TSHZ1: variants seen among roughly 807,000 people sequenced by gnomAD.
TSHZ1 encodes teashirt zinc finger homeobox 1.
A neutral mutation model predicts 67.1 loss-of-function variants in TSHZ1; 12 were observed. The ratio of observed to expected loss-of-function variants is 0.18; its 90% confidence interval spans 0.11 to 0.29. TSHZ1 has a LOEUF of 0.29. TSHZ1 is among the 10% of genes least tolerant of loss of function. The probability of loss-of-function intolerance (pLI) is 1.00; values close to 1 mark genes in which losing one functional copy is unlikely to be tolerated. For synonymous variants in TSHZ1, 632 were observed against 622.4 expected, an observed-to-expected ratio of 1.02 and a Z score of -0.23; for missense variants, 1,305 against 1,413.9, an observed-to-expected ratio of 0.92 and a Z score of 1.23.
intron 1 of TSHZ1, among the ~76,000 whole-genome samples, chr18:75,261,168 C>T (rs1376570891): frequency 2.6e-5 from 4 of 151,836 alleles, no homozygotes; most frequent in South Asian, 2.1e-4. Flanking sequence ...ACTACTACCC[C>T]GCCAAGTAGG....
chr18:75,211,444 G>C lies in TSHZ1; in HGVS notation c.-433G>C, dbSNP rs2022682392. On this transcript the variant is annotated 5_prime_UTR_variant, in exon 1 of 2. Transcript: ENST00000580243. ...AGTTGCGCTCGGCGACTCTCGGCTCGCGGAAGAAGGCGCAGGGGAGCGCCC... is the reference window on the plus strand; with the variant it reads ...AGTTGCGCTCGGCGACTCTCGGCTCCCGGAAGAAGGCGCAGGGGAGCGCCC... The C allele has an allele frequency of 6.6e-6, 1 of 151,226 alleles. No homozygotes were observed. The highest frequency in any genetic ancestry group is 2.1e-4 in the South Asian group (1 of 4,826). 9.4% of individuals were successfully genotyped at this position (151,226 alleles called of 1,614,324 possible). A position where few individuals can be genotyped will look rare whatever the true frequency, so the allele number is the denominator to read the frequency against.
At position 75,289,348 on chromosome 18, in the gene TSHZ1, C is replaced by T. The variant is rs894508894; in HGVS notation, c.*707C>T. 5 of 165,542 alleles carry T rather than the reference C, an allele frequency of 3.0e-5. No homozygotes were observed. The highest frequency in any genetic ancestry group is 4.4e-5 in the Non-Finnish European group (3 of 67,844). The allele number at this position is 165,542 out of a possible 1,614,324, so 10.3% of individuals were successfully genotyped here. On this transcript the variant is annotated 3_prime_UTR_variant, in exon 2 of 2. Coordinates refer to ENST00000580243, the MANE Select transcript of TSHZ1 (RefSeq NM_001308210.2). ...TCTGGATGCTGAAAAATGCCACTTT[C>T]GGCAAAAAAAAAAGTATGCAAGCTA...
intron 1 of TSHZ1, among the ~76,000 whole-genome samples, chr18:75,265,858 A>G (rs1189754638): frequency 6.6e-6 from 1 of 152,174 alleles, no homozygotes; most frequent in African/African-American, 2.4e-5. Context: ...GCAATAAAGT[A>G]CTTATATTTA....
rs535865536 is a variant in TSHZ1 at position 75,263,001 on chromosome 18, A to G, written c.41-22447A>G. Among the ~76,000 whole-genome samples the G allele has an allele frequency of 3.5e-4, 53 of 152,330 alleles. No individual in the cohort carries two copies. The East Asian group carries it at 6.8e-3, about 19-fold the overall frequency. On this transcript the variant is annotated intron_variant, in intron 1 of 1. Coordinates refer to ENST00000580243, the MANE Select transcript of TSHZ1 (RefSeq NM_001308210.2). ...ATGGACCCTCTTCAAGTTTCCCAGC[A>G]GTGTCGTATGATTAAGACAAGAGGC...
intron 1 of TSHZ1, among the ~76,000 whole-genome samples, chr18:75,263,286 T>C (rs933623140): frequency 6.6e-6 from 1 of 152,232 alleles, no homozygotes; most frequent in African/African-American, 2.4e-5. Context: ...GACACCTTTT[T>C]GAGGACCGTG....
At chr18:75,240,667 C>CG (rs1568357413) in intron 1 of TSHZ1, among the ~76,000 whole-genome samples, 1 of 152,160 alleles carries the variant, frequency 6.6e-6, no homozygotes, top group Admixed American at 6.5e-5. Context: ...TCCTCCCCAG[C>CG]GGGGGCGCCC....
At chr18:75,211,974 G>A (rs2022699310) in intron 1 of TSHZ1, 58 bp downstream of exon 1, 4 of 1,177,632 alleles carry the variant, frequency 3.4e-6, no homozygotes, top group African/African-American at 1.6e-5. Context: ...CAGGAGGAGG[G>A]GGCTTCGCGG....
rs185067525 is a variant in TSHZ1, at chr18:75,287,285, C to T, written c.1878C>T (p.Ser626=). The change falls in exon 2 of 2, where the codon AGC becomes AGT. Residue 626 remains serine, a synonymous_variant. Coordinates refer to ENST00000580243, the MANE Select transcript of TSHZ1 (RefSeq NM_001308210.2). The surrounding 1 kb of genome is among the most constrained non-coding windows in gnomAD (Gnocchi z 5.0). ...ACGCCCTCCTGCACTCCCCAGGGAG[C>T]CTCACGCCCCCACCGCACAAGAGCA... ...EHNALLHSPG[S]LTPPPHKSNV... 6.3e-4 allele frequency: 1,021 copies of T among 1,613,882 alleles called. 1 individual carries two copies. Among genetic ancestry groups the T allele is most frequent in the Non-Finnish European group, 7.9e-4 (934 of 1,180,004 alleles).
chr18:75,271,456 A>T (rs1195841069), intron 1 of TSHZ1, among the ~76,000 whole-genome samples: 1 of 152,050 alleles, frequency 6.6e-6, no homozygotes, highest in Non-Finnish European at 1.5e-5. Flanking sequence ...AAATCCACTC[A>T]CCTGCAGAAT....
In TSHZ1 at chr18:75,286,459, C is replaced by A. The variant is rs1467327038; in HGVS notation, c.1052C>A (p.Thr351Asn). Residue 351 changes from threonine to asparagine, a missense_variant, in exon 2 of 2, where the codon ACC (threonine) becomes AAC (asparagine). Transcript: ENST00000580243. This position sits in a 1 kb window ranked among gnomAD's most constrained non-coding sequence, Gnocchi z 5.1. ...VPAITKLVPS[T>N]KKRALQDLAP... The stretch of plus-strand genomic sequence containing the variant: ...GCCATCACCAAACTGGTCCCCTCCA[C>A]CAAAAAGCGGGCGCTTCAGGACCTG... 1 of 1,614,176 alleles carries A rather than the reference C, an allele frequency of 6.2e-7. No homozygotes were observed. Among genetic ancestry groups the A allele is most frequent in the Admixed American group, 1.7e-5 (1 of 60,030 alleles).
intron 1 of TSHZ1, among the ~76,000 whole-genome samples, chr18:75,248,923 C>T (rs558932131): frequency 6.6e-6 from 1 of 152,302 alleles, no homozygotes; most frequent in East Asian, 1.9e-4. Context: ...CATAGGGTCA[C>T]CCACCAGCAG....
At chr18:75,238,507 T>A (rs1217787767) in intron 1 of TSHZ1, among the ~76,000 whole-genome samples, 1 of 152,092 alleles carries the variant, frequency 6.6e-6, no homozygotes, top group African/African-American at 2.4e-5. Flanking sequence ...GGGAGTGTGT[T>A]CTTGGAGTGA....
rs543796624 is a variant in TSHZ1, at chr18:75,289,473, T to C, written c.*832T>C. 2 of 167,228 alleles carry C rather than the reference T, an allele frequency of 1.2e-5. No individual in the cohort carries two copies. Among genetic ancestry groups the C allele is most frequent in the South Asian group, 4.1e-4 (2 of 4,824 alleles). The allele number at this position is 167,228 out of a possible 1,614,324, so 10.4% of individuals were successfully genotyped here. ...AAGCTTTGGTACAAGCTGACCTTTC[T>C]ATAGCGTGCTGCATTGGTAAATGAA... is the stretch of plus-strand genomic sequence containing the variant. On this transcript the variant is annotated 3_prime_UTR_variant, in exon 2 of 2. Coordinates refer to ENST00000580243, the MANE Select transcript of TSHZ1 (RefSeq NM_001308210.2).
intron 1 of TSHZ1, among the ~76,000 whole-genome samples, chr18:75,262,160 C>T (rs959379640): frequency 6.6e-6 from 1 of 152,158 alleles, no homozygotes; most frequent in African/African-American, 2.4e-5. Context: ...CTTGGTGAAG[C>T]AAAACTCCTG....
chr18:75,213,164 A>G (rs1410664906), intron 1 of TSHZ1, among the ~76,000 whole-genome samples: 1 of 152,232 alleles, frequency 6.6e-6, no homozygotes, highest in Admixed American at 6.5e-5. Flanking sequence ...TACTAAAAAA[A>G]TTTGGGAATA....
At chr18:75,250,187 G>A (rs115787563) in intron 1 of TSHZ1, among the ~76,000 whole-genome samples, 9 of 151,884 alleles carry the variant, frequency 5.9e-5, no homozygotes, top group South Asian at 4.2e-4. Flanking sequence ...CAGTAGGTGG[G>A]GGGGTGACCT....
At position 75,211,792 on chromosome 18, in the gene TSHZ1, G is replaced by C. The variant is rs1212413924; in HGVS notation, c.-85G>C. 1 of 941,482 alleles carries C rather than the reference G, an allele frequency of 1.1e-6. No individual in the cohort carries two copies. Among genetic ancestry groups the C allele is most frequent in the African/African-American group, 1.8e-5 (1 of 55,888 alleles). 58.3% of individuals were successfully genotyped at this position (941,482 alleles called of 1,614,324 possible). ...AGGCCAAAGTTGGGCGCGCCGCGGAGTTGCGCCCGCGCCCGGGGCCCCGCG... is the reference window on the plus strand; with the variant it reads ...AGGCCAAAGTTGGGCGCGCCGCGGACTTGCGCCCGCGCCCGGGGCCCCGCG... On this transcript the variant is annotated 5_prime_UTR_variant, in exon 1 of 2. Coordinates refer to ENST00000580243, the MANE Select transcript of TSHZ1 (RefSeq NM_001308210.2).
intron 1 of TSHZ1, among the ~76,000 whole-genome samples, chr18:75,234,609 AT>A (rs1328271524): frequency 6.6e-6 from 1 of 151,580 alleles, no homozygotes; most frequent in Non-Finnish European, 1.5e-5. Context: ...CCCCCATTAA[AT>A]TTTGCATCTT....
In TSHZ1 at chr18:75,286,734, A is replaced by C. The variant is rs767021398; in HGVS notation, c.1327A>C (p.Lys443Gln). 1.2e-6 allele frequency: 2 copies of C among 1,613,604 alleles called. No homozygotes were observed. Among genetic ancestry groups the C allele is most frequent in the Admixed American group, 1.7e-5 (1 of 60,008 alleles). The stretch of plus-strand genomic sequence containing the variant: ...CATGATGGTCACCGGGCACTTCCTG[A>C]AAGTGACCACCTCGGCTTCTAAGAA... ...AHMMVTGHFL[K>Q]VTTSASKKGK... Residue 443 changes from lysine to glutamine, a missense_variant, in exon 2 of 2, where the codon AAA becomes CAA. This residue lies in a region of TSHZ1 where 909 missense variants were observed against 961.8 expected (regional missense o/e 0.95). Transcript: ENST00000580243. This position sits in a 1 kb window ranked among gnomAD's most constrained non-coding sequence, Gnocchi z 5.1.
Sources: gnomAD v4.1 joint callset for allele counts (sites outside exome capture counted in the v4.1 genomes callset) on GRCh38, gnomAD v4.1.1 for gene constraint, gnomAD v4.1.1 regional missense constraint, Gnocchi (gnomAD v3.1) non-coding constraint, MANE v1.5 for transcripts, NCBI Gene and HGNC (gene_info 2026-07-23, HGNC 2026-07-21) for gene names.